GPC6: variants seen among roughly 807,000 people sequenced by gnomAD.
GPC6 encodes the protein glypican 6.
A neutral mutation model predicts 55.2 loss-of-function variants in GPC6; 14 were observed. The ratio of observed to expected loss-of-function variants is 0.25; its 90% CI spans 0.17 to 0.40. GPC6 has a LOEUF of 0.40. Ranked by LOEUF, GPC6 falls within the 10% of genes least tolerant of loss-of-function variation. The pLI, the probability that GPC6 is intolerant of heterozygous loss-of-function variation, is 1.00. For missense variants in GPC6, 641 were observed against 708.5 expected, an observed-to-expected ratio of 0.90 and a Z score of 1.08; for synonymous variants, 278 against 259.6, an observed-to-expected ratio of 1.07 and a Z score of -0.68.
At chr13:94,232,894 A>G (rs1310784117) in intron 4 of GPC6, among the ~76,000 whole-genome samples, 1 of 151,762 alleles carries the variant, frequency 6.6e-6, no homozygotes, top group Admixed American at 6.6e-5. Flanking sequence ...TAAGTCAGGC[A>G]CCAGAATGTG....
chr13:93,830,965 G>A (rs573441522), intron 3 of GPC6: 1 of 168,276 alleles, frequency 5.9e-6, no homozygotes, highest in Non-Finnish European at 1.3e-5. Flanking sequence ...CCTGCGAATG[G>A]AGACAAGTTA....
chr13:94,134,674 CA>C lies in GPC6; in HGVS notation c.877+106781del, dbSNP rs555303129. On this transcript the variant is annotated intron_variant, in intron 4 of 8. Coordinates refer to ENST00000377047, the MANE Select transcript of GPC6 (RefSeq NM_005708.5). ...TGTTAAATAACCCTTAGAGAAAAAACATATTCATCATCTTAGCAGAGACCTA... is the reference window on the plus strand; with the variant it reads ...TGTTAAATAACCCTTAGAGAAAAAACTATTCATCATCTTAGCAGAGACCTA... Among the ~76,000 whole-genome samples the C allele has an allele frequency of 4.3e-3, 660 of 152,118 alleles. 3 individuals are homozygous for C. The highest frequency in any genetic ancestry group is 0.015 in the African/African-American group (638 of 41,506).
chr13:93,220,572 T>C, the GPC6 span, among the ~76,000 whole-genome samples: 1 of 152,220 alleles, frequency 6.6e-6, no homozygotes, highest in Non-Finnish European at 1.5e-5. Flanking sequence ...TTCAAAAATG[T>C]GTGAGCTTCA....
chr13:93,868,579 A>C (rs1337481496), intron 3 of GPC6, among the ~76,000 whole-genome samples: 1 of 151,744 alleles, frequency 6.6e-6, no homozygotes, highest in African/African-American at 2.4e-5. Flanking sequence ...GTTAACTGGG[A>C]TACAGGATTT....
chr13:93,607,085 C>T (rs1319564246), intron 2 of GPC6, among the ~76,000 whole-genome samples: 1 of 152,108 alleles, frequency 6.6e-6, no homozygotes, highest in Non-Finnish European at 1.5e-5. Context: ...GACAGAATGT[C>T]TTAGAAATCT....
chr13:93,507,972 A>G (rs1880802133), intron 1 of GPC6, among the ~76,000 whole-genome samples: 1 of 152,168 alleles, frequency 6.6e-6, no homozygotes, highest in Admixed American at 6.5e-5. Context: ...TATTCAACAA[A>G]TATGCATTGA....
In GPC6 at chr13:93,552,574, A is replaced by G. The variant is rs546578392; in HGVS notation, c.319+7153A>G. 2.0e-5 allele frequency among the ~76,000 whole-genome samples: 3 copies of G among 152,098 alleles called. No individual in the cohort carries two copies. The South Asian group carries it at 6.2e-4, about 32-fold the overall frequency. ...GCTGCTGATCATCAGCTCTGGCTTC[A>G]GTGATGAACTTCCAATCTTTTTCTA... is the stretch of plus-strand genomic sequence containing the variant. On this transcript the variant is annotated intron_variant, in intron 2 of 8. Transcript: ENST00000377047.
intron 1 of GPC6, among the ~76,000 whole-genome samples, chr13:93,542,644 TCCTA>T (rs2139429470): frequency 6.6e-6 from 1 of 152,360 alleles, no homozygotes; most frequent in South Asian, 2.1e-4. Context: ...TATTGATTCT[TCCTA>T]CCCATGAGCA....
chr13:94,054,303 C>T (rs565947335), intron 4 of GPC6, among the ~76,000 whole-genome samples: 3 of 152,312 alleles, frequency 2.0e-5, no homozygotes, highest in African/African-American at 7.2e-5. Context: ...GATTGTCACT[C>T]GCAAAGCCCA....
At chr13:94,207,110 C>T (rs1889927922) in intron 4 of GPC6, among the ~76,000 whole-genome samples, 1 of 152,082 alleles carries the variant, frequency 6.6e-6, no homozygotes. Flanking sequence ...CCATTCTTCC[C>T]CAGAAAACCA....
intron 4 of GPC6, among the ~76,000 whole-genome samples, chr13:94,099,499 C>T (rs1273866094): frequency 3.3e-5 from 5 of 152,104 alleles, no homozygotes; most frequent in Admixed American, 3.3e-4. Flanking sequence ...AGGCAATAAG[C>T]TAATCCCCCA....
chr13:93,800,107 T>G (rs1392914967), intron 2 of GPC6, among the ~76,000 whole-genome samples: 1 of 152,200 alleles, frequency 6.6e-6, no homozygotes, highest in African/African-American at 2.4e-5. Context: ...CTTTCAAGTG[T>G]GCATTTATTG....
intron 2 of GPC6, among the ~76,000 whole-genome samples, chr13:93,742,061 C>T (rs1884223253): frequency 1.3e-5 from 2 of 152,060 alleles, no homozygotes; most frequent in African/African-American, 4.8e-5. Context: ...ATTAATTCAC[C>T]CTCCATAGGT....
chr13:94,045,489 A>T (rs1883698739), intron 4 of GPC6, among the ~76,000 whole-genome samples: 1 of 151,970 alleles, frequency 6.6e-6, no homozygotes, highest in Admixed American at 6.6e-5. Flanking sequence ...TGAAACACTG[A>T]CATAGAAAAA....
chr13:94,383,560 G>C (rs1334498504), intron 7 of GPC6, among the ~76,000 whole-genome samples: 2 of 152,308 alleles, frequency 1.3e-5, no homozygotes, highest in East Asian at 3.9e-4. Context: ...GTGAAACCAT[G>C]TCTCTACAAA....
chr13:93,697,676 T>G (rs1882507665), intron 2 of GPC6, among the ~76,000 whole-genome samples: 1 of 152,172 alleles, frequency 6.6e-6, no homozygotes, highest in African/African-American at 2.4e-5. Context: ...AGTTCCAAAA[T>G]TTTAGAACTA....
At chr13:94,022,569 G>A (rs1005836684) in intron 3 of GPC6, among the ~76,000 whole-genome samples, 1 of 152,020 alleles carries the variant, frequency 6.6e-6, no homozygotes, top group African/African-American at 2.4e-5. Context: ...ATCTTTACAA[G>A]GTGGTGATTT....
intron 1 of GPC6, among the ~76,000 whole-genome samples, chr13:93,389,114 G>C (rs1875516187): frequency 6.6e-6 from 1 of 152,138 alleles, no homozygotes; most frequent in South Asian, 2.1e-4. Context: ...AGTTTCATAA[G>C]AGAATTAAAA....
chr13:94,232,390 C>T (rs1479205896), intron 4 of GPC6, among the ~76,000 whole-genome samples: 2 of 152,208 alleles, frequency 1.3e-5, no homozygotes, highest in East Asian at 3.8e-4. Context: ...TCGCCTGCCA[C>T]GTCACACACT....
Sources: gnomAD v4.1 joint callset for allele counts (sites outside exome capture counted in the v4.1 genomes callset) on GRCh38, gnomAD v4.1.1 for gene constraint, MANE v1.5 for transcripts, NCBI Gene and HGNC (gene_info 2026-07-23, HGNC 2026-07-21) for gene names.